The following SKAP1 variants were observed in gnomAD, a reference collection of about 807,000 sequenced individuals.
The protein encoded by SKAP1 is src kinase associated phosphoprotein 1.
In SKAP1, 44 loss-of-function variants were observed where a neutral mutation model predicts 58.5. The observed-to-expected ratio is 0.75, with a 90% CI of 0.59 to 0.97. The LOEUF (loss-of-function observed/expected upper bound fraction) is 0.97, where lower values mean the gene tolerates loss of function less well. Among genes scored for constraint, SKAP1 ranks in the 50% least tolerant of loss-of-function variants. SKAP1 has a pLI of 0.00. For synonymous variants in SKAP1, 127 were observed against 149.7 expected (o/e 0.85, Z 1.11); for missense variants, 390 against 435.2 (o/e 0.90, Z 0.92).
intron 2 of SKAP1, among the ~76,000 whole-genome samples, chr17:48,366,539 A>G (rs1343805917): frequency 6.6e-6 from 1 of 152,196 alleles, no homozygotes; most frequent in Non-Finnish European, 1.5e-5. Flanking sequence ...GTCCATATCA[A>G]TGCAGGGGCA....
intron 4 of SKAP1, among the ~76,000 whole-genome samples, chr17:48,267,447 G>T (rs2065566502): frequency 6.6e-6 from 1 of 152,112 alleles, no homozygotes; most frequent in Admixed American, 6.5e-5. Flanking sequence ...TTTAATCAAT[G>T]ATTTTGGCTC....
rs1259373144 is a variant in SKAP1 at position 48,393,336 on chromosome 17, G to C, written c.152+3344C>G. On this transcript the variant is annotated intron_variant, in intron 2 of 12. Coordinates refer to ENST00000336915, the MANE Select transcript of SKAP1 (RefSeq NM_003726.4). ...AAAAAGAAAAGAGTATGTAAATATAGATAGGATTTTATTTTTTGTTTCTAA... is the reference window on the plus strand; with the variant it reads ...AAAAAGAAAAGAGTATGTAAATATACATAGGATTTTATTTTTTGTTTCTAA... Among the ~76,000 whole-genome samples, 4 of 152,104 alleles carry C rather than the reference G, an allele frequency of 2.6e-5. No individual in the cohort carries two copies. In the East Asian group the frequency reaches 7.7e-4, roughly 29 times the overall value.
intron 4 of SKAP1, among the ~76,000 whole-genome samples, chr17:48,324,774 C>T (rs893441162): frequency 2.0e-5 from 3 of 151,930 alleles, no homozygotes; most frequent in African/African-American, 7.3e-5. Flanking sequence ...ACTGGTAAGT[C>T]CAAAGGGCAT....
At chr17:48,211,437 T>C (rs1460997117) in intron 4 of SKAP1, among the ~76,000 whole-genome samples, 1 of 152,214 alleles carries the variant, frequency 6.6e-6, no homozygotes, top group Non-Finnish European at 1.5e-5. Flanking sequence ...ATTTTCCATA[T>C]GGGATAAATT....
intron 4 of SKAP1, among the ~76,000 whole-genome samples, chr17:48,309,429 T>G (rs1395329826): frequency 2.6e-5 from 4 of 152,148 alleles, no homozygotes; most frequent in Middle Eastern, 3.2e-3. Flanking sequence ...AATTCTCAAG[T>G]AAATTTTCTA....
chr17:48,262,378 A>G (rs1448085272), intron 4 of SKAP1, among the ~76,000 whole-genome samples: 2 of 152,220 alleles, frequency 1.3e-5, no homozygotes, highest in African/African-American at 2.4e-5. Flanking sequence ...CTCCAAGAGC[A>G]TAGCTTCAGA....
intron 4 of SKAP1, among the ~76,000 whole-genome samples, chr17:48,279,797 C>G (rs2065745239): frequency 6.6e-6 from 1 of 152,188 alleles, no homozygotes; most frequent in Non-Finnish European, 1.5e-5. Context: ...TATGGCCCAC[C>G]AACACTCTGT....
chr17:48,326,893 T>C (rs995777743), intron 4 of SKAP1, among the ~76,000 whole-genome samples: 66 of 148,570 alleles, frequency 4.4e-4, no homozygotes, highest in Non-Finnish European at 7.2e-4. Flanking sequence ...TTCTTTCTTT[T>C]TTTTTTTTTT....
At chr17:48,289,670 G>A (rs957336733) in intron 4 of SKAP1, among the ~76,000 whole-genome samples, 22 of 151,784 alleles carry the variant, frequency 1.4e-4, no homozygotes, top group African/African-American at 4.6e-4. Context: ...ATACAGAAAA[G>A]TACAAGGAAA....
chr17:48,426,632 C>A (rs181532989), intron 1 of SKAP1, among the ~76,000 whole-genome samples: 2 of 152,102 alleles, frequency 1.3e-5, no homozygotes, highest in African/African-American at 4.8e-5. Flanking sequence ...CATCTGAAGC[C>A]CCATTATTTG....
intron 2 of SKAP1, among the ~76,000 whole-genome samples, chr17:48,388,358 C>G (rs534176648): frequency 2.0e-5 from 3 of 151,954 alleles, no homozygotes; most frequent in Non-Finnish European, 2.9e-5. Context: ...CACTTGAACC[C>G]GGGAGGCAGA....
intron 9 of SKAP1, among the ~76,000 whole-genome samples, chr17:48,172,723 TTC>T (rs2064233475): frequency 6.6e-6 from 1 of 152,224 alleles, no homozygotes; most frequent in Non-Finnish European, 1.5e-5. Flanking sequence ...ACTTTGACAT[TTC>T]TCTTTCTTTT....
At chr17:48,381,165 G>A (rs1051898884) in intron 2 of SKAP1, among the ~76,000 whole-genome samples, 6 of 152,120 alleles carry the variant, frequency 3.9e-5, no homozygotes, top group Admixed American at 3.3e-4. Flanking sequence ...TTGTGCCAAA[G>A]ACCCAAATGT....
At chr17:48,139,157 G>A (rs922935436) in intron 11 of SKAP1, among the ~76,000 whole-genome samples, 2 of 152,148 alleles carry the variant, frequency 1.3e-5, no homozygotes. Context: ...GGGATTACAG[G>A]TGTGAGCCAC....
In SKAP1 at chr17:48,304,815, G is replaced by T. The variant is rs2066114307; in HGVS notation, c.280+41090C>A. 2.0e-5 allele frequency among the ~76,000 whole-genome samples: 3 copies of T among 152,276 alleles called. No homozygotes were observed. The South Asian group carries it at 6.2e-4, about 32-fold the overall frequency. ...CTACCATTGGAGCTAGGAAGTCATT[G>T]AATTAAAAAATTTCTTTAACAAAAA... On this transcript the variant is annotated intron_variant, in intron 4 of 12. Coordinates refer to ENST00000336915, the MANE Select transcript of SKAP1 (RefSeq NM_003726.4).
intron 5 of SKAP1, among the ~76,000 whole-genome samples, chr17:48,188,363 C>T (rs1362315655): frequency 1.3e-5 from 2 of 152,146 alleles, no homozygotes; most frequent in African/African-American, 4.8e-5. Flanking sequence ...CTAGTGGTAC[C>T]TACTCTAATT....
chr17:48,335,151 A>G (rs1173643118), intron 4 of SKAP1, among the ~76,000 whole-genome samples: 3 of 151,932 alleles, frequency 2.0e-5, no homozygotes, highest in Non-Finnish European at 2.9e-5. Context: ...AATATTTAAT[A>G]TTAAAAATCA....
At chr17:48,222,569 T>C (rs911176275) in intron 4 of SKAP1, among the ~76,000 whole-genome samples, 1 of 151,812 alleles carries the variant, frequency 6.6e-6, no homozygotes, top group Non-Finnish European at 1.5e-5. Flanking sequence ...AACCTCCACC[T>C]CCCAGGTTCA....
At chr17:48,208,932 C>T (rs1234694483) in intron 4 of SKAP1, among the ~76,000 whole-genome samples, 1 of 152,184 alleles carries the variant, frequency 6.6e-6, no homozygotes, top group Non-Finnish European at 1.5e-5. Context: ...GTATCTAAAT[C>T]TCCCTTCCAG....
Sources: gnomAD v4.1 joint callset for allele counts (sites outside exome capture counted in the v4.1 genomes callset) on GRCh38, gnomAD v4.1.1 for gene constraint, MANE v1.5 for transcripts, NCBI Gene and HGNC (gene_info 2026-07-23, HGNC 2026-07-21) for gene names.